RBFOX1: variants seen among roughly 807,000 people sequenced by gnomAD.
RBFOX1 encodes the protein RNA binding protein fox-1 homolog 1.
In RBFOX1, 8 loss-of-function variants were observed where a neutral mutation model predicts 57.7. The ratio of observed to expected loss-of-function variants is 0.14; its 90% CI spans 0.08 to 0.25. The LOEUF (loss-of-function observed/expected upper bound fraction) is 0.25. Among genes scored for constraint, RBFOX1 ranks in the 10% least tolerant of loss-of-function variants. The pLI, the probability that RBFOX1 is intolerant of heterozygous loss-of-function variation, is 1.00. For missense variants in RBFOX1, 611 were observed against 548.5 expected (o/e 1.11, Z -1.14); for synonymous variants, 326 against 222.4 (o/e 1.47, Z -4.15).
intron 3 of RBFOX1, among the ~76,000 whole-genome samples, chr16:5,855,655 T>C (rs2057006112): frequency 6.6e-6 from 1 of 152,200 alleles, no homozygotes; most frequent in South Asian, 2.1e-4. Flanking sequence ...TCAGAACATA[T>C]GTGATGCCTT....
intron 1 of RBFOX1, among the ~76,000 whole-genome samples, chr16:6,231,968 A>T (rs181545545): frequency 1.8e-4 from 27 of 152,148 alleles, no homozygotes; most frequent in African/African-American, 6.3e-4. Flanking sequence ...CAAATTATGC[A>T]CGGGAGGGAG....
intron 1 of RBFOX1, among the ~76,000 whole-genome samples, chr16:5,265,372 C>T (rs1038675017): frequency 6.6e-6 from 1 of 152,196 alleles, no homozygotes; most frequent in Non-Finnish European, 1.5e-5. Flanking sequence ...CTTCTTGCTA[C>T]AGTGATACTT....
At chr16:7,279,393 T>A (rs1460653416) in intron 4 of RBFOX1, among the ~76,000 whole-genome samples, 2 of 152,354 alleles carry the variant, frequency 1.3e-5, no homozygotes, top group African/African-American at 4.8e-5. Flanking sequence ...GCTCTTGAAT[T>A]CATTTCTCTG....
intron 1 of RBFOX1, among the ~76,000 whole-genome samples, chr16:6,052,671 C>G (rs1048910961): frequency 6.8e-4 from 104 of 151,966 alleles, no homozygotes; most frequent in African/African-American, 2.3e-3. Flanking sequence ...GTAGTCCCAG[C>G]TACTCGGGAG....
At chr16:7,276,116 T>G (rs2153150139) in intron 4 of RBFOX1, among the ~76,000 whole-genome samples, 1 of 152,290 alleles carries the variant, frequency 6.6e-6, no homozygotes, top group Middle Eastern at 3.4e-3. Flanking sequence ...CAAATCAGGC[T>G]TGTAGATTTA....
intron 2 of RBFOX1, among the ~76,000 whole-genome samples, chr16:6,320,225 CAGG>C (rs1407400152): frequency 6.6e-6 from 1 of 152,166 alleles, no homozygotes. Flanking sequence ...TTGTATCACA[CAGG>C]AGATTAGACT....
chr16:7,703,120 G>C lies in RBFOX1; in HGVS notation c.996-5936G>C, dbSNP rs1290000023. On this transcript the variant is annotated intron_variant, in intron 14 of 15. Coordinates refer to ENST00000550418, the MANE Select transcript of RBFOX1 (RefSeq NM_018723.4). ...CTTTTAGAACCACTGAACCACAGTT[G>C]GTGCCCTGTTGCTATGCTGTACGGT... 2.6e-5 allele frequency among the ~76,000 whole-genome samples: 4 copies of C among 152,052 alleles called. No homozygotes were observed. In the East Asian group the frequency reaches 7.7e-4, roughly 29 times the overall value.
chr16:7,699,010 C>A (rs555837038), intron 14 of RBFOX1, among the ~76,000 whole-genome samples: 1 of 152,128 alleles, frequency 6.6e-6, no homozygotes, highest in Non-Finnish European at 1.5e-5. Flanking sequence ...GAAGAATGCA[C>A]CAAAGTCACC....
intron 1 of RBFOX1, among the ~76,000 whole-genome samples, chr16:5,418,457 G>C (rs921461851): frequency 2.6e-5 from 4 of 151,898 alleles, no homozygotes; most frequent in African/African-American, 9.7e-5. Context: ...AATTACGCCA[G>C]GAAAGACCAA....
At chr16:5,813,828 G>A (rs1281670806) in intron 3 of RBFOX1, among the ~76,000 whole-genome samples, 1 of 152,178 alleles carries the variant, frequency 6.6e-6, no homozygotes, top group Non-Finnish European at 1.5e-5. Flanking sequence ...GATTTATTCT[G>A]ACTGTGAACT....
chr16:7,508,189 G>C (rs372384206), intron 4 of RBFOX1, among the ~76,000 whole-genome samples: 1 of 150,590 alleles, frequency 6.6e-6, no homozygotes. Context: ...GTTTTAGCAG[G>C]TTGGCCTCAA....
chr16:7,362,263 T>C (rs1332330177), intron 4 of RBFOX1, among the ~76,000 whole-genome samples: 2 of 151,060 alleles, frequency 1.3e-5, no homozygotes, highest in Non-Finnish European at 2.9e-5. Flanking sequence ...TGTTAGTATG[T>C]GTGTTTTGTG....
At chr16:7,042,439 C>G (rs1193285449) in intron 3 of RBFOX1, among the ~76,000 whole-genome samples, 1 of 152,202 alleles carries the variant, frequency 6.6e-6, no homozygotes, top group African/African-American at 2.4e-5. Flanking sequence ...GGAATTCACT[C>G]ACTCTGTGCC....
intron 2 of RBFOX1, among the ~76,000 whole-genome samples, chr16:6,378,364 A>G: frequency 6.6e-6 from 1 of 152,182 alleles, no homozygotes; most frequent in East Asian, 1.9e-4. Context: ...TGGTGCCACA[A>G]TCCTTCCCAA....
chr16:7,710,521 G>A (rs918574445), intron 15 of RBFOX1, 102 bp from the exon 16 acceptor site: 66 of 1,570,434 alleles, frequency 4.2e-5, no homozygotes, highest in South Asian at 1.5e-4. Context: ...CCTCCATTTC[G>A]GTTGGTTTTG....
chr16:7,376,717 A>G (rs1476292664), intron 4 of RBFOX1, among the ~76,000 whole-genome samples: 1 of 152,196 alleles, frequency 6.6e-6, no homozygotes, highest in Non-Finnish European at 1.5e-5. Context: ...AAGTACAAGT[A>G]TAATTAATCC....
At chr16:6,458,349 A>T (rs2094827872) in intron 2 of RBFOX1, among the ~76,000 whole-genome samples, 1 of 152,202 alleles carries the variant, frequency 6.6e-6, no homozygotes, top group Non-Finnish European at 1.5e-5. Context: ...CACCTTGGAA[A>T]AGACACTTAA....
intron 1 of RBFOX1, among the ~76,000 whole-genome samples, chr16:6,203,699 A>G (rs190893403): frequency 2.6e-5 from 4 of 152,312 alleles, no homozygotes; most frequent in Non-Finnish European, 4.4e-5. Flanking sequence ...GATGATAACA[A>G]GCGTTGGTGA....
At chr16:5,932,839 C>T (rs1217721784) in intron 4 of RBFOX1, among the ~76,000 whole-genome samples, 4 of 152,158 alleles carry the variant, frequency 2.6e-5, no homozygotes, top group East Asian at 1.9e-4. Context: ...GGCCCCAGTG[C>T]CTCACACCCG....
Sources: gnomAD v4.1 joint callset for allele counts (sites outside exome capture counted in the v4.1 genomes callset) on GRCh38, gnomAD v4.1.1 for gene constraint, MANE v1.5 for transcripts, NCBI Gene and HGNC (gene_info 2026-07-23, HGNC 2026-07-21) for gene names.